Variants in DSCAML1 observed in about 807,000 individuals in gnomAD.
DSCAML1 encodes DS cell adhesion molecule like 1.
In DSCAML1, 38 loss-of-function variants were observed where a neutral mutation model predicts 200.5. That is an observed-to-expected ratio of 0.19 (90% CI 0.15 to 0.25). The LOEUF (loss-of-function observed/expected upper bound fraction) is 0.25, where lower values mean the gene tolerates loss of function less well. Ranked by LOEUF, DSCAML1 falls within the 10% of genes least tolerant of loss-of-function variation. DSCAML1 has a pLI of 1.00. For missense variants in DSCAML1, 2,223 were observed against 2,858.8 expected, an observed-to-expected ratio of 0.78 and a Z score of 5.07; for synonymous variants, 1,215 against 1,165.0, an observed-to-expected ratio of 1.04 and a Z score of -0.87.
At chr11:117,514,170 C>G (rs1046099313) in intron 8 of DSCAML1, among the ~76,000 whole-genome samples, 1 of 152,216 alleles carries the variant, frequency 6.6e-6, no homozygotes, top group African/African-American at 2.4e-5. Flanking sequence ...GCCTGGACCC[C>G]TCTTCTCTTT....
chr11:117,639,856 T>C (rs1036745768), intron 3 of DSCAML1, among the ~76,000 whole-genome samples: 19 of 151,404 alleles, frequency 1.3e-4, no homozygotes, highest in African/African-American at 4.4e-4. Flanking sequence ...CCTGCAAGGC[T>C]CACCGCCCAT....
intron 3 of DSCAML1, among the ~76,000 whole-genome samples, chr11:117,644,781 G>A (rs1859732086): frequency 1.3e-5 from 2 of 152,214 alleles, no homozygotes; most frequent in Admixed American, 6.5e-5. Context: ...CCCCTGTGCG[G>A]TAGACTCCAC....
At position 117,505,542 on chromosome 11, in the gene DSCAML1, G is replaced by A. The variant is rs1156999877; in HGVS notation, c.1974C>T (p.Ser658=). The A allele has an allele frequency of 1.5e-5, 24 of 1,613,416 alleles. No homozygotes were observed. The highest frequency in any genetic ancestry group is 2.2e-5 in the East Asian group (1 of 44,876). ...AGTTGCCGTTGTGCTTGAGGGAGACGCTAGAGATCTGCAGGGAGCTCATGA... is the reference window on the plus strand; with the variant it reads ...AGTTGCCGTTGTGCTTGAGGGAGACACTAGAGATCTGCAGGGAGCTCATGA... ...KEFMSSLQIS[S]VSLKHNGNYT... is the part of the protein sequence containing the mutation. The change falls in exon 9 of 33, where the codon AGC becomes AGT. Residue 658 remains serine, a synonymous_variant. Transcript: ENST00000651296. The surrounding 1 kb of genome is among the most constrained non-coding windows in gnomAD (Gnocchi z 6.7).
At chr11:117,584,188 C>T (rs1201637331) in intron 3 of DSCAML1, among the ~76,000 whole-genome samples, 1 of 152,220 alleles carries the variant, frequency 6.6e-6, no homozygotes, top group Non-Finnish European at 1.5e-5. Flanking sequence ...CTTGCCTCAT[C>T]TCCCGGTCTC....
intron 3 of DSCAML1, among the ~76,000 whole-genome samples, chr11:117,549,409 C>T (rs1221708184): frequency 6.6e-6 from 1 of 152,272 alleles, no homozygotes; most frequent in African/African-American, 2.4e-5. Flanking sequence ...TGAATGAGCG[C>T]ATGAATCTTG....
At chr11:117,491,831 A>G (rs1221063168) in intron 11 of DSCAML1, among the ~76,000 whole-genome samples, 1 of 152,202 alleles carries the variant, frequency 6.6e-6, no homozygotes, top group African/African-American at 2.4e-5. Context: ...TAGACATCGA[A>G]GTAGAATCAG....
chr11:117,801,896 C>T (rs1328064907), upstream of DSCAML1: 1 of 152,250 alleles, frequency 6.6e-6, no homozygotes, highest in African/African-American at 2.4e-5. Context: ...GGCCTCTCTC[C>T]TGCTGTTCTT....
chr11:117,704,435 G>A (rs963271563), intron 3 of DSCAML1, among the ~76,000 whole-genome samples: 1 of 151,848 alleles, frequency 6.6e-6, no homozygotes, highest in Non-Finnish European at 1.5e-5. Flanking sequence ...GTGTGCACGC[G>A]CGCACACACA....
At position 117,632,173 on chromosome 11, in the gene DSCAML1, C is replaced by T. The variant is rs75645475; in HGVS notation, c.512-99651G>A. Among the ~76,000 whole-genome samples the T allele has an allele frequency of 6.2e-3, 948 of 152,322 alleles. 9 individuals are homozygous for T. The highest frequency in any genetic ancestry group is 0.022 in the African/African-American group (910 of 41,554). On this transcript the variant is annotated intron_variant, in intron 3 of 32. Transcript: ENST00000651296. ...CACGGACTATTAGAGTTAGGAGAGA[C>T]ATCAGCAGTAAACTTGTTGTAGCCT... is the stretch of plus-strand genomic sequence containing the variant.
At chr11:117,452,650 T>C (rs2048303321) in intron 19 of DSCAML1, among the ~76,000 whole-genome samples, 1 of 152,238 alleles carries the variant, frequency 6.6e-6, no homozygotes, top group South Asian at 2.1e-4. Context: ...TTAAATACTT[T>C]CTATTTGTCT....
At chr11:117,442,731 T>C (rs2048093979) in intron 21 of DSCAML1, among the ~76,000 whole-genome samples, 1 of 152,034 alleles carries the variant, frequency 6.6e-6, no homozygotes, top group African/African-American at 2.4e-5. Context: ...TCTGGAAGGG[T>C]GATAGGCTTT....
At chr11:117,758,292 T>C (rs2054733208) in intron 3 of DSCAML1, among the ~76,000 whole-genome samples, 1 of 145,310 alleles carries the variant, frequency 6.9e-6, no homozygotes, top group South Asian at 2.2e-4. Context: ...AGAGTGAGAC[T>C]CCATCTCAAA....
chr11:117,556,216 G>A lies in DSCAML1; in HGVS notation c.512-23694C>T, dbSNP rs73591027. 2.3e-3 allele frequency among the ~76,000 whole-genome samples: 357 copies of A among 152,270 alleles called. 2 individuals are homozygous for A. The highest frequency in any genetic ancestry group is 8.0e-3 in the African/African-American group (334 of 41,540). On this transcript the variant is annotated intron_variant, in intron 3 of 32. Coordinates refer to ENST00000651296, the MANE Select transcript of DSCAML1 (RefSeq NM_020693.4). ...CAGAAAGAGCTCAGTGACCCTGCAG[G>A]GAGATGGGGAGAAGGGACATCCTCA...
At chr11:117,705,560 T>C (rs1035152743) in intron 3 of DSCAML1, among the ~76,000 whole-genome samples, 10 of 152,174 alleles carry the variant, frequency 6.6e-5, no homozygotes, top group African/African-American at 2.4e-4. Flanking sequence ...GGGAGTGGCC[T>C]GGAATTACCT....
intron 3 of DSCAML1, among the ~76,000 whole-genome samples, chr11:117,573,218 G>A (rs2050875971): frequency 6.6e-6 from 1 of 152,236 alleles, no homozygotes; most frequent in Admixed American, 6.5e-5. Context: ...CATACGCAGA[G>A]TACGCTGGCC....
Position 117,430,942 on chromosome 11 carries a change from C to T in DSCAML1, c.5466G>A (p.Glu1822=). The part of the protein sequence containing the change: ...ARAYEHAKLE[E]QLQHAKFEIT... ...TCTCAAACTTGGCGTGCTGCAGCTGCTCCTCCAGCTTGGCATGCTCATAGG... is the reference window on the plus strand; with the variant it reads ...TCTCAAACTTGGCGTGCTGCAGCTGTTCCTCCAGCTTGGCATGCTCATAGG... The change falls in exon 32 of 33, where the codon GAG becomes GAA. Residue 1822 remains glutamate (E), a synonymous_variant. Transcript: ENST00000651296. 6.2e-7 allele frequency: 1 copy of T among 1,614,162 alleles called. No individual in the cohort carries two copies. Among genetic ancestry groups the T allele is most frequent in the Non-Finnish European group, 8.5e-7 (1 of 1,180,032 alleles).
Position 117,575,203 on chromosome 11 carries a change from A to G in DSCAML1, c.512-42681T>C, listed in dbSNP as rs200516597. Among the ~76,000 whole-genome samples the G allele has an allele frequency of 7.3e-5, 11 of 151,546 alleles. No homozygotes were observed. In the East Asian group the frequency reaches 2.1e-3, roughly 29 times the overall value. ...TGAAACTCCATTTCAAAAATAAAAA[A>G]CAGAACAGAAGTCCTGTGTCCTGAG... is the stretch of plus-strand genomic sequence containing the variant. On this transcript the variant is annotated intron_variant, in intron 3 of 32. Coordinates refer to ENST00000651296, the MANE Select transcript of DSCAML1 (RefSeq NM_020693.4).
At chr11:117,792,643 CCATGCCATCAG>C (rs2134072706) in intron 1 of DSCAML1, among the ~76,000 whole-genome samples, 1 of 152,246 alleles carries the variant, frequency 6.6e-6, no homozygotes, top group Admixed American at 6.5e-5. Context: ...CTTCACACCC[CCATGCCATCAG>C]CAACTACCTC....
chr11:117,486,911 CTTTTTTTTTTTT>C lies in DSCAML1; in HGVS notation c.2360-4761_2360-4750del, dbSNP rs56805170. 9.7e-3 allele frequency among the ~76,000 whole-genome samples: 774 copies of C among 79,672 alleles called. 15 individuals are homozygous for C. The highest frequency in any genetic ancestry group is 0.021 in the South Asian group (45 of 2,136). 52.3% of individuals were successfully genotyped at this position (79,672 alleles called of 152,430 possible). A position where few individuals can be genotyped will look rare whatever the true frequency, so the allele number is the denominator to read the frequency against. ...GAAAAAAAAAAAGAATGTAAAATAC[CTTTTTTTTTTTT>C]TTTTTTTTTTTTTTTTTTGAGACAG... is the stretch of plus-strand genomic sequence containing the variant. On this transcript the variant is annotated intron_variant, in intron 11 of 32. Coordinates refer to ENST00000651296, the MANE Select transcript of DSCAML1 (RefSeq NM_020693.4).
Sources: gnomAD v4.1 joint callset for allele counts (sites outside exome capture counted in the v4.1 genomes callset) on GRCh38, gnomAD v4.1.1 for gene constraint, Gnocchi (gnomAD v3.1) non-coding constraint, MANE v1.5 for transcripts, NCBI Gene and HGNC (gene_info 2026-07-23, HGNC 2026-07-21) for gene names.